The following KDM4C variants were observed in gnomAD, a reference collection of about 807,000 sequenced individuals.
The protein encoded by KDM4C is lysine demethylase 4C.
Under a neutral mutation model 129.3 loss-of-function variants are expected in KDM4C, and 81 were observed. The observed-to-expected ratio is 0.63, with a 90% CI of 0.52 to 0.75. KDM4C has a LOEUF of 0.75. Among genes scored for constraint, KDM4C ranks in the 30% least tolerant of loss-of-function variants. The pLI is 0.00. For synonymous variants in KDM4C, 573 were observed against 456.1 expected (o/e 1.26, Z -3.26); for missense variants, 1,457 against 1,304.0 (o/e 1.12, Z -1.81).
chr9:6,812,496 C>T (rs1349891781), intron 3 of KDM4C, among the ~76,000 whole-genome samples: 3 of 152,130 alleles, frequency 2.0e-5, no homozygotes, highest in African/African-American at 7.2e-5. Context: ...CGGGATGAAA[C>T]GGTCCTACCT....
At chr9:6,796,168 G>C (rs1024151384) in intron 2 of KDM4C, among the ~76,000 whole-genome samples, 9 of 152,148 alleles carry the variant, frequency 5.9e-5, no homozygotes, top group Non-Finnish European at 1.3e-4. Context: ...CATTTGGGCT[G>C]GGTGTGGGGC....
At chr9:7,127,491 G>C (rs942344487) in intron 18 of KDM4C, among the ~76,000 whole-genome samples, 1 of 152,098 alleles carries the variant, frequency 6.6e-6, no homozygotes, top group Non-Finnish European at 1.5e-5. Context: ...TTATTAAAAA[G>C]CAGGAAGAGG....
At chr9:7,102,495 A>G (rs988857219) in intron 17 of KDM4C, among the ~76,000 whole-genome samples, 25 of 152,080 alleles carry the variant, frequency 1.6e-4, no homozygotes, top group African/African-American at 5.3e-4. Context: ...TTGGGAATCC[A>G]TTATGATGCT....
intron 17 of KDM4C, chr9:7,077,032 A>T (rs1834005255): frequency 1.0e-6 from 1 of 985,516 alleles, no homozygotes; most frequent in East Asian, 1.1e-4. Flanking sequence ...CTTGCTGCAC[A>T]ACAAAGCAAC....
chr9:7,006,297 G>T (rs963775401), intron 12 of KDM4C, among the ~76,000 whole-genome samples: 2 of 152,088 alleles, frequency 1.3e-5, no homozygotes, highest in Non-Finnish European at 2.9e-5. Context: ...CAAATTAATG[G>T]GGCCTCCCCT....
At chr9:6,727,127 T>C (rs1373372258) in intron 1 of KDM4C, 1 of 152,202 alleles carries the variant, frequency 6.6e-6, no homozygotes, top group African/African-American at 2.4e-5. Context: ...GCCAGGGCAG[T>C]GGCTCACGCC....
intron 1 of KDM4C, among the ~76,000 whole-genome samples, chr9:6,787,393 T>C (rs1588260261): frequency 6.6e-6 from 1 of 152,116 alleles, no homozygotes; most frequent in South Asian, 2.1e-4. Flanking sequence ...CCACCACACC[T>C]GGCTAATTTT....
intron 4 of KDM4C, among the ~76,000 whole-genome samples, chr9:6,842,238 A>T (rs1306910226): frequency 2.0e-5 from 3 of 151,986 alleles, no homozygotes; most frequent in African/African-American, 4.8e-5. Context: ...TTACTGTAAT[A>T]AGTATGGACT....
chr9:7,052,892 A>AGC (rs887871979), intron 17 of KDM4C, among the ~76,000 whole-genome samples: 2 of 11,352 alleles, frequency 1.8e-4, no homozygotes, highest in African/African-American at 9.4e-4. Flanking sequence ...AGAGAGAGAG[A>AGC]GAGAGAGAGC....
At chr9:7,145,193 G>A (rs1277767369) in intron 19 of KDM4C, among the ~76,000 whole-genome samples, 1 of 152,174 alleles carries the variant, frequency 6.6e-6, no homozygotes, top group Non-Finnish European at 1.5e-5. Flanking sequence ...TGGCCAGAGG[G>A]TGGCGGGGGA....
chr9:7,169,750 T>G, intron 20 of KDM4C, 48 bp from the exon 21 acceptor site: 1 of 1,441,104 alleles, frequency 6.9e-7, no homozygotes, highest in Non-Finnish European at 9.6e-7. Context: ...TTAAAAATGG[T>G]CAGTGCTGTT....
At chr9:6,934,943 A>G (rs371245224) in intron 8 of KDM4C, among the ~76,000 whole-genome samples, 1 of 151,916 alleles carries the variant, frequency 6.6e-6, no homozygotes, top group Non-Finnish European at 1.5e-5. Context: ...GTGTGCACAT[A>G]CACTCAGATT....
chr9:6,799,165 C>T (rs1340663907), intron 2 of KDM4C, among the ~76,000 whole-genome samples: 1 of 152,048 alleles, frequency 6.6e-6, no homozygotes. Flanking sequence ...GACGGGGTGG[C>T]GGCCGGGCAG....
chr9:7,121,362 A>G (rs1050591412), intron 18 of KDM4C, among the ~76,000 whole-genome samples: 3 of 152,170 alleles, frequency 2.0e-5, no homozygotes, highest in Non-Finnish European at 2.9e-5. Context: ...TTCACACCCC[A>G]GAGTCTGAGG....
chr9:7,047,539 G>C (rs1193498059), intron 16 of KDM4C, among the ~76,000 whole-genome samples: 1 of 151,784 alleles, frequency 6.6e-6, no homozygotes, highest in African/African-American at 2.4e-5. Context: ...TCATGACCAG[G>C]TTTTAATATT....
chr9:7,007,285 A>G (rs1821848061), intron 12 of KDM4C, among the ~76,000 whole-genome samples: 1 of 152,172 alleles, frequency 6.6e-6, no homozygotes, highest in Non-Finnish European at 1.5e-5. Context: ...GTTACTTGCT[A>G]CAAGGAATGA....
At chr9:7,042,781 G>C (rs1050069936) in intron 15 of KDM4C, among the ~76,000 whole-genome samples, 1 of 152,028 alleles carries the variant, frequency 6.6e-6, no homozygotes, top group African/African-American at 2.4e-5. Context: ...GAGAAAAGGT[G>C]CATGGACATT....
chr9:7,061,935 A>G (rs994227889), intron 17 of KDM4C, among the ~76,000 whole-genome samples: 36 of 152,204 alleles, frequency 2.4e-4, no homozygotes, highest in African/African-American at 8.7e-4. Context: ...TGGTATCACC[A>G]GTATCTTTGG....
At chr9:6,998,366 G>C (rs895773474) in intron 12 of KDM4C, among the ~76,000 whole-genome samples, 65 of 152,190 alleles carry the variant, frequency 4.3e-4, no homozygotes, top group African/African-American at 1.5e-3. Flanking sequence ...TCTAACCCAG[G>C]TTTTCTGTTG....
Sources: allele counts gnomAD v4.1 joint callset (sites outside exome capture counted in the v4.1 genomes callset), GRCh38; gene constraint gnomAD v4.1.1; transcripts MANE v1.5; gene names NCBI Gene and HGNC (gene_info 2026-07-23, HGNC 2026-07-21).